Variants in MAP2K1 observed in about 807,000 individuals in gnomAD.
The protein encoded by MAP2K1 is dual specificity mitogen-activated protein kinase kinase 1.
In MAP2K1, 16 loss-of-function variants were observed where a neutral mutation model predicts 46.3. The ratio of observed to expected loss-of-function variants is 0.35; its 90% CI spans 0.23 to 0.52. The LOEUF (loss-of-function observed/expected upper bound fraction) is 0.52. Ranked by LOEUF, MAP2K1 falls within the 20% of genes least tolerant of loss-of-function variation. The pLI, the probability that MAP2K1 is intolerant of heterozygous loss-of-function variation, is 0.94. For missense variants in MAP2K1, 263 were observed against 497.1 expected (o/e 0.53, Z 4.48); for synonymous variants, 183 against 185.6 (o/e 0.99, Z 0.11).
At chr15:66,431,097 A>C (rs2093473959) in intron 1 of MAP2K1, among the ~76,000 whole-genome samples, 1 of 152,128 alleles carries the variant, frequency 6.6e-6, no homozygotes, top group Admixed American at 6.6e-5. Context: ...TGTCAGATTT[A>C]TTGTGCTGCA....
At chr15:66,434,370 A>G (rs555268981) in intron 1 of MAP2K1, among the ~76,000 whole-genome samples, 2 of 152,370 alleles carry the variant, frequency 1.3e-5, no homozygotes, top group East Asian at 3.9e-4. Context: ...TGTGCGAAGG[A>G]TGATGTGGAC....
At position 66,409,044 on chromosome 15, in the gene MAP2K1, C is replaced by T. The variant is rs559959564; in HGVS notation, c.80+21617C>T. ...TTCTTTTCAGTTTATAATTTCTTGG[C>T]ACAGGAGGGTCACAGTGTTGTTGGT... On this transcript the variant is annotated intron_variant, in intron 1 of 10. Coordinates refer to ENST00000307102, the MANE Select transcript of MAP2K1 (RefSeq NM_002755.4). Among the ~76,000 whole-genome samples the T allele has an allele frequency of 2.0e-5, 3 of 152,162 alleles. No individual in the cohort carries two copies. In the East Asian group the frequency reaches 5.8e-4, roughly 29 times the overall value.
intron 5 of MAP2K1, among the ~76,000 whole-genome samples, chr15:66,445,253 A>G (rs559774051): frequency 1.3e-5 from 2 of 152,130 alleles, no homozygotes; most frequent in East Asian, 1.9e-4. Flanking sequence ...GCCGCCAGCC[A>G]TGGTGGCGAG....
chr15:66,413,207 T>G (rs183699689), intron 1 of MAP2K1, among the ~76,000 whole-genome samples: 191 of 152,284 alleles, frequency 1.3e-3, no homozygotes, highest in Non-Finnish European at 1.6e-3. Flanking sequence ...CTTGTGTCAA[T>G]TTTTAGAAGC....
intron 1 of MAP2K1, 131 bp downstream of exon 1, chr15:66,387,558 G>A: frequency 1.2e-6 from 1 of 866,262 alleles, no homozygotes; most frequent in Non-Finnish European, 1.9e-6. Flanking sequence ...AGAAACTCCC[G>A]GCCGCCGAGG....
intron 1 of MAP2K1, among the ~76,000 whole-genome samples, chr15:66,429,278 CAA>C (rs145638980): frequency 0.012 from 1,892 of 152,162 alleles, 32 homozygotes; most frequent in African/African-American, 0.042. Context: ...CACATGGTGG[CAA>C]GAGAGAGAAG....
chr15:66,469,723 C>CACACACACACACACACACACACATAT (rs143830560), intron 5 of MAP2K1, among the ~76,000 whole-genome samples: 3 of 134,562 alleles, frequency 2.2e-5, no homozygotes, highest in Non-Finnish European at 4.7e-5. Flanking sequence ...CACACACACA[C>CACACACACACACACACACACACATAT]ATATCGGATG....
At chr15:66,483,798 A>C (rs1007961490) in intron 6 of MAP2K1, among the ~76,000 whole-genome samples, 1 of 135,792 alleles carries the variant, frequency 7.4e-6, no homozygotes, top group Non-Finnish European at 1.5e-5. Context: ...CCCAGGCTGG[A>C]GTGCAGTGGT....
intron 1 of MAP2K1, among the ~76,000 whole-genome samples, chr15:66,407,463 A>T (rs1328152186): frequency 6.6e-6 from 1 of 152,174 alleles, no homozygotes; most frequent in Non-Finnish European, 1.5e-5. Flanking sequence ...TTCCTGGTCA[A>T]CCTGTGAAGT....
chr15:66,422,372 G>A (rs1567004381), intron 1 of MAP2K1, among the ~76,000 whole-genome samples: 1 of 152,192 alleles, frequency 6.6e-6, no homozygotes, highest in Non-Finnish European at 1.5e-5. Flanking sequence ...CAGGGGTTTA[G>A]ACTACATGTC....
intron 1 of MAP2K1, among the ~76,000 whole-genome samples, chr15:66,389,291 A>G (rs2093351255): frequency 6.6e-6 from 1 of 152,202 alleles, no homozygotes; most frequent in African/African-American, 2.4e-5. Flanking sequence ...TTTTGACCAC[A>G]GTGGATTCTG....
Position 66,420,789 on chromosome 15 carries a change from GTGTGTA to G in MAP2K1, c.81-14236_81-14231del, listed in dbSNP as rs2093437777. ...TGTGTATATATATGTGTATATATAT[GTGTGTA>G]TATATATGTGTATATATATGTGTAT... is the stretch of plus-strand genomic sequence containing the variant. On this transcript the variant is annotated intron_variant, in intron 1 of 10. Coordinates refer to ENST00000307102, the MANE Select transcript of MAP2K1 (RefSeq NM_002755.4). Among the ~76,000 whole-genome samples the G allele has an allele frequency of 1.1e-4, 2 of 17,890 alleles. 1 individual carries two copies. The highest frequency in any genetic ancestry group is 3.0e-4 in the Non-Finnish European group (2 of 6,614). The allele number at this position is 17,890 out of a possible 152,430, so 11.7% of individuals were successfully genotyped here.
chr15:66,467,634 C>T (rs1322196301), intron 5 of MAP2K1, among the ~76,000 whole-genome samples: 8 of 152,152 alleles, frequency 5.3e-5, no homozygotes, highest in Non-Finnish European at 1.2e-4. Flanking sequence ...GATCTCAGCT[C>T]ACTGCAACCT....
chr15:66,463,625 G>T (rs1292289971), intron 5 of MAP2K1, among the ~76,000 whole-genome samples: 1 of 152,232 alleles, frequency 6.6e-6, no homozygotes, highest in Non-Finnish European at 1.5e-5. Context: ...CGGGATTACA[G>T]GCGCCTGCCA....
At chr15:66,394,402 CT>C (rs199629732) in intron 1 of MAP2K1, among the ~76,000 whole-genome samples, 39 of 149,656 alleles carry the variant, frequency 2.6e-4, no homozygotes, top group African/African-American at 9.6e-4. Flanking sequence ...GGTTGATGTG[CT>C]TTTTTTTGTC....
intron 5 of MAP2K1, among the ~76,000 whole-genome samples, chr15:66,452,287 T>TAAAAAAAAAAA (rs146502834): frequency 2.9e-5 from 3 of 103,600 alleles, no homozygotes; most frequent in South Asian, 3.6e-4. Context: ...TAGAGTATAA[T>TAAAAAAAAAAA]AAAAAAAAAA....
intron 1 of MAP2K1, 63 bp downstream of exon 1, chr15:66,387,490 G>A: frequency 6.7e-7 from 1 of 1,492,796 alleles, no homozygotes; most frequent in Non-Finnish European, 9.1e-7. Flanking sequence ...CGGGGAGCAG[G>A]AGCGCGCGCC....
intron 1 of MAP2K1, among the ~76,000 whole-genome samples, chr15:66,399,683 A>G (rs923314111): frequency 1.3e-5 from 2 of 151,828 alleles, no homozygotes; most frequent in African/African-American, 4.8e-5. Flanking sequence ...TGCAGCCTCC[A>G]CCTCCCGGGT....
At chr15:66,446,993 T>G (rs1240482088) in intron 5 of MAP2K1, among the ~76,000 whole-genome samples, 2 of 152,138 alleles carry the variant, frequency 1.3e-5, no homozygotes, top group African/African-American at 4.8e-5. Context: ...GGACAGGAAA[T>G]TGGTAAACAT....
Sources: allele counts gnomAD v4.1 joint callset (sites outside exome capture counted in the v4.1 genomes callset), GRCh38; gene constraint gnomAD v4.1.1; transcripts MANE v1.5; gene names NCBI Gene and HGNC (gene_info 2026-07-23, HGNC 2026-07-21).